Variants in TRAP1 observed in about 807,000 individuals in gnomAD.
TRAP1 encodes the protein TNF receptor associated protein 1, also known as heat shock protein 75 kDa, mitochondrial.
A neutral mutation model predicts 89.1 loss-of-function variants in TRAP1; 102 were observed. That is an observed-to-expected ratio of 1.15 (90% CI 0.98 to 1.35). The LOEUF is 1.35. Ranked by LOEUF, TRAP1 falls within the 40% of genes most tolerant of loss-of-function variation. The pLI, the probability that TRAP1 is intolerant of heterozygous loss-of-function variation, is 0.00. For synonymous variants in TRAP1, 508 were observed against 388.0 expected (o/e 1.31, Z -3.64); for missense variants, 1,256 against 945.3 (o/e 1.33, Z -4.31).
chr16:3,682,644 C>T (rs1184891776), intron 4 of TRAP1, among the ~76,000 whole-genome samples: 5 of 152,106 alleles, frequency 3.3e-5, no homozygotes, highest in Admixed American at 6.6e-5. Flanking sequence ...CTGCCCGCCA[C>T]GGCCTCCCAA....
At chr16:3,673,901 C>G (rs2050950755) in intron 9 of TRAP1, among the ~76,000 whole-genome samples, 1 of 152,106 alleles carries the variant, frequency 6.6e-6, no homozygotes, top group African/African-American at 2.4e-5. Flanking sequence ...CCCAGAGCGC[C>G]TGGCAGGACA....
chr16:3,698,382 C>T (rs1253556887), intron 1 of TRAP1, among the ~76,000 whole-genome samples: 3 of 151,442 alleles, frequency 2.0e-5, no homozygotes, highest in African/African-American at 7.3e-5. Flanking sequence ...GCCATCTCGG[C>T]TCACTGCAAG....
chr16:3,676,194 A>G, intron 6 of TRAP1, 49 bp from the exon 7 acceptor site: 1 of 1,538,186 alleles, frequency 6.5e-7, no homozygotes, highest in Non-Finnish European at 9.0e-7. Flanking sequence ...ACACTGGGAC[A>G]TACCCTGCAT....
intron 1 of TRAP1, among the ~76,000 whole-genome samples, chr16:3,710,879 A>ATATATTTTTTTTTT (rs71133652): frequency 2.4e-5 from 3 of 125,802 alleles, no homozygotes; most frequent in South Asian, 2.5e-4. Flanking sequence ...ATATATATAT[A>ATATATTTTTTTTTT]TTTTTTTTTT....
At chr16:3,713,876 C>T (rs2051563662) in intron 1 of TRAP1, among the ~76,000 whole-genome samples, 1 of 152,236 alleles carries the variant, frequency 6.6e-6, no homozygotes, top group African/African-American at 2.4e-5. Context: ...TCCCCACACA[C>T]CAGGCCCAGG....
chr16:3,664,275 T>C lies in TRAP1; in HGVS notation c.1568A>G (p.Glu523Gly). ...YYEAMKKKDT[E>G]VLFCFEQFDE... ...CCGCCCCACCCACCGCTCACCCACC[T>C]CTGTGTCTTTCTTCTTCATGGCCTC... The change falls in exon 13 of 18, where the codon GAG (glutamate) becomes GGG (glycine). Residue 523 changes from glutamate to glycine, a missense_variant and splice_region_variant. Glu to Gly is a moderately conservative substitution (Grantham distance 98). Coordinates refer to ENST00000246957, the MANE Select transcript of TRAP1 (RefSeq NM_016292.3). 1 of 1,568,788 alleles carries C rather than the reference T, an allele frequency of 6.4e-7. No homozygotes were observed. Among genetic ancestry groups the C allele is most frequent in the Non-Finnish European group, 8.7e-7 (1 of 1,155,656 alleles).
intron 1 of TRAP1, among the ~76,000 whole-genome samples, chr16:3,705,413 C>A (rs945287502): frequency 6.6e-6 from 1 of 152,026 alleles, no homozygotes; most frequent in Admixed American, 6.6e-5. Context: ...CCTACAGCCA[C>A]TCATGTTCAC....
intron 1 of TRAP1, among the ~76,000 whole-genome samples, chr16:3,709,580 A>G (rs2051498902): frequency 6.6e-6 from 1 of 152,136 alleles, no homozygotes; most frequent in South Asian, 2.1e-4. Context: ...CAAACCCCAG[A>G]ATATAAGTGG....
At chr16:3,717,314 A>G in intron 1 of TRAP1, 107 bp downstream of exon 1, 1 of 399,766 alleles carries the variant, frequency 2.5e-6, no homozygotes, top group Non-Finnish European at 4.2e-6. Flanking sequence ...CGGACCTCCC[A>G]CGCCTGTGAA....
chr16:3,716,468 T>C (rs143707385), intron 1 of TRAP1, among the ~76,000 whole-genome samples: 27 of 152,320 alleles, frequency 1.8e-4, no homozygotes, highest in East Asian at 1.4e-3. Flanking sequence ...AATAGGACAA[T>C]GTTTAAACAA....
intron 1 of TRAP1, among the ~76,000 whole-genome samples, chr16:3,695,389 T>A (rs1217323646): frequency 6.6e-6 from 1 of 151,880 alleles, no homozygotes; most frequent in African/African-American, 2.4e-5. Context: ...AACCATTACT[T>A]AGCCAGACGT....
At chr16:3,682,245 T>G (rs1177478051) in intron 4 of TRAP1, among the ~76,000 whole-genome samples, 1 of 151,988 alleles carries the variant, frequency 6.6e-6, no homozygotes, top group Non-Finnish European at 1.5e-5. Context: ...GCTAAAGCTA[T>G]AAAACCTCTA....
intron 1 of TRAP1, among the ~76,000 whole-genome samples, chr16:3,714,445 G>A (rs1348237889): frequency 6.6e-6 from 1 of 152,176 alleles, no homozygotes; most frequent in Admixed American, 6.5e-5. Context: ...TGGATCATGA[G>A]GTCAGGAGTT....
intron 1 of TRAP1, among the ~76,000 whole-genome samples, chr16:3,695,351 T>C (rs2051271987): frequency 6.6e-6 from 1 of 151,846 alleles, no homozygotes; most frequent in African/African-American, 2.4e-5. Context: ...CTTAGAACCA[T>C]GGTCAGGTTT....
chr16:3,707,184 CTTTTTTTTT>C (rs747339831), intron 1 of TRAP1, among the ~76,000 whole-genome samples: 1 of 130,042 alleles, frequency 7.7e-6, no homozygotes, highest in Non-Finnish European at 1.7e-5. Context: ...AAGAGGAAAT[CTTTTTTTTT>C]TTTTTTTTTT....
At chr16:3,667,098 C>T (rs903153340) in intron 11 of TRAP1, among the ~76,000 whole-genome samples, 11 of 152,032 alleles carry the variant, frequency 7.2e-5, no homozygotes, top group African/African-American at 2.7e-4. Context: ...GACAGTAGCC[C>T]AGGATGCGGT....
chr16:3,674,496 T>G lies in TRAP1; in HGVS notation c.889-2A>C, dbSNP rs1567230365. ...CTTGGGGTCCATCATCCAGATGGCC[T>G]GGAAACGGAGATCGGCGGGGAGGGC... On this transcript the variant is annotated splice_acceptor_variant, in intron 8 of 17. Transcript: ENST00000246957. LOFTEE classifies it high-confidence loss of function. 1.2e-6 allele frequency: 2 copies of G among 1,613,614 alleles called. No homozygotes were observed. Among genetic ancestry groups the G allele is most frequent in the Admixed American group, 3.3e-5 (2 of 59,968 alleles).
intron 4 of TRAP1, among the ~76,000 whole-genome samples, chr16:3,681,008 G>A (rs907164392): frequency 2.6e-5 from 4 of 152,108 alleles, no homozygotes; most frequent in African/African-American, 4.8e-5. Flanking sequence ...AGACCAACGC[G>A]CTGGTGAACA....
At chr16:3,685,897 G>A (rs547776873) in intron 4 of TRAP1, 99 bp downstream of exon 4, 32 of 1,386,858 alleles carry the variant, frequency 2.3e-5, no homozygotes, top group South Asian at 4.2e-5. Context: ...TGGTACGGAC[G>A]GCCAGTACGT....
Sources: gnomAD v4.1 joint callset for allele counts (sites outside exome capture counted in the v4.1 genomes callset) on GRCh38, gnomAD v4.1.1 for gene constraint, MANE v1.5 for transcripts, NCBI Gene and HGNC (gene_info 2026-07-23, HGNC 2026-07-21) for gene names.